Variants in WWP2 observed in about 807,000 individuals in gnomAD.
WWP2 encodes NEDD4-like E3 ubiquitin-protein ligase WWP2.
In WWP2, 57 loss-of-function variants were observed where a neutral mutation model predicts 121.0. That is an observed-to-expected ratio of 0.47 (90% CI 0.38 to 0.59). The LOEUF (loss-of-function observed/expected upper bound fraction) is 0.59, where lower values mean the gene tolerates loss of function less well. WWP2 is among the 20% of genes least tolerant of loss of function. WWP2 has a pLI of 0.00. For synonymous variants in WWP2, 449 were observed against 441.3 expected, an observed-to-expected ratio of 1.02 and a Z score of -0.22; for missense variants, 962 against 1,158.9, an observed-to-expected ratio of 0.83 and a Z score of 2.47.
At chr16:69,774,966 CAAA>C (rs58896866) in intron 1 of WWP2, 10 of 88,984 alleles carry the variant, frequency 1.1e-4, no homozygotes, top group East Asian at 2.8e-4. Flanking sequence ...AAGACTGTCT[CAAA>C]AAAAAAAAAA....
chr16:69,834,144 T>C (rs2056836263), intron 4 of WWP2, among the ~76,000 whole-genome samples: 1 of 152,212 alleles, frequency 6.6e-6, no homozygotes. Context: ...TCCCGTCCCA[T>C]GTTGAGCAAT....
At chr16:69,915,503 C>T (rs1203309613) in intron 9 of WWP2, among the ~76,000 whole-genome samples, 1 of 152,108 alleles carries the variant, frequency 6.6e-6, no homozygotes, top group Non-Finnish European at 1.5e-5. Flanking sequence ...TAGTTTGAGC[C>T]CAGCAGTTCA....
intron 1 of WWP2, among the ~76,000 whole-genome samples, chr16:69,766,726 C>T (rs549182116): frequency 6.6e-6 from 1 of 152,270 alleles, no homozygotes; most frequent in African/African-American, 2.4e-5. Context: ...TCAACCATCA[C>T]CTTCAGAGAG....
chr16:69,892,343 C>T (rs2058041317), intron 8 of WWP2, among the ~76,000 whole-genome samples: 2 of 151,616 alleles, frequency 1.3e-5, no homozygotes, highest in African/African-American at 4.9e-5. Flanking sequence ...CCTCCCCTAG[C>T]CCCCCACCCA....
rs143311481 is a variant in WWP2 at position 69,889,146 on chromosome 16, T to TACACACACAC, written c.914+919_914+928dup. Among the ~76,000 whole-genome samples the TACACACACAC allele has an allele frequency of 3.9e-4, 57 of 146,242 alleles. 1 individual carries two copies. The highest frequency in any genetic ancestry group is 1.3e-3 in the African/African-American group (52 of 40,098). On this transcript the variant is annotated intron_variant, in intron 8 of 23. Transcript: ENST00000359154. ...CTGGGCAATATAGTGATATCCTGCC[T>TACACACACAC]ACACACACACACACACACACACACA...
chr16:69,919,005 G>A (rs757983006), intron 10 of WWP2, among the ~76,000 whole-genome samples: 28 of 151,414 alleles, frequency 1.8e-4, no homozygotes, highest in African/African-American at 6.3e-4. Flanking sequence ...CACCACACCC[G>A]GCTAATTTTT....
At chr16:69,913,055 G>C (rs2058424494) in intron 9 of WWP2, among the ~76,000 whole-genome samples, 1 of 98,992 alleles carries the variant, frequency 1.0e-5, no homozygotes, top group African/African-American at 3.7e-5. Context: ...CAGAATTTTT[G>C]CTCTCGTTGC....
rs189798823 is a variant in WWP2, at chr16:69,770,240, G to C, written c.-16+7849G>C. Among the ~76,000 whole-genome samples the C allele has an allele frequency of 8.5e-3, 1,293 of 152,268 alleles. 14 individuals are homozygous for C. Among genetic ancestry groups the C allele is most frequent in the Middle Eastern group, 0.082 (24 of 294 alleles). On this transcript the variant is annotated intron_variant, in intron 1 of 23. Coordinates refer to ENST00000359154, the MANE Select transcript of WWP2 (RefSeq NM_001270454.2). ...CTCAGGATTTGGGGGCCAGTGGCCA[G>C]GGAAACCAGCCTTGTAGTTAGAGGG...
At chr16:69,851,867 C>G (rs2057220668) in intron 6 of WWP2, among the ~76,000 whole-genome samples, 1 of 152,060 alleles carries the variant, frequency 6.6e-6, no homozygotes, top group Admixed American at 6.6e-5. Context: ...CCTGGAGTCC[C>G]AGCTACTCGG....
chr16:69,835,077 A>T (rs1172715027), intron 4 of WWP2, among the ~76,000 whole-genome samples: 1 of 152,082 alleles, frequency 6.6e-6, no homozygotes, highest in East Asian at 1.9e-4. Flanking sequence ...CTATATGCTA[A>T]CTCAGATTCC....
intron 1 of WWP2, among the ~76,000 whole-genome samples, chr16:69,775,531 C>T (rs553656048): frequency 6.6e-6 from 1 of 152,288 alleles, no homozygotes; most frequent in East Asian, 1.9e-4. Flanking sequence ...TATATCTCTC[C>T]TTACATTGCC....
chr16:69,901,454 C>G (rs2058202650), intron 8 of WWP2, among the ~76,000 whole-genome samples: 1 of 152,074 alleles, frequency 6.6e-6, no homozygotes, highest in South Asian at 2.1e-4. Flanking sequence ...GCTCTGTCGC[C>G]CAGTCTGGGG....
intron 4 of WWP2, among the ~76,000 whole-genome samples, chr16:69,826,753 G>A (rs1259150538): frequency 6.6e-6 from 1 of 150,840 alleles, no homozygotes; most frequent in Non-Finnish European, 1.5e-5. Context: ...AGCCTAACAC[G>A]GTGAAACCCC....
intron 6 of WWP2, chr16:69,871,582 A>G (rs1417038903): frequency 2.0e-6 from 1 of 510,854 alleles, no homozygotes; most frequent in African/African-American, 2.0e-5. Context: ...TTGAAGTGGA[A>G]AAGTTTACAC....
intron 4 of WWP2, among the ~76,000 whole-genome samples, chr16:69,837,437 A>G (rs1487427432): frequency 6.6e-6 from 1 of 152,208 alleles, no homozygotes; most frequent in Non-Finnish European, 1.5e-5. Flanking sequence ...CAAATATATA[A>G]TGATTCCACT....
At chr16:69,897,849 A>G (rs1308037891) in intron 8 of WWP2, among the ~76,000 whole-genome samples, 2 of 151,450 alleles carry the variant, frequency 1.3e-5, no homozygotes, top group African/African-American at 4.8e-5. Context: ...CGGAGGTTAC[A>G]GTGAGCCGAG....
chr16:69,924,892 C>T (rs1472582923), intron 10 of WWP2: 12 of 983,132 alleles, frequency 1.2e-5, no homozygotes, highest in East Asian at 1.1e-4. Context: ...GGGGGGACGC[C>T]GAGGTGGAGG....
chr16:69,790,829 G>GC (rs2055894567), intron 2 of WWP2, among the ~76,000 whole-genome samples: 8 of 152,116 alleles, frequency 5.3e-5, no homozygotes, highest in Admixed American at 5.2e-4. Flanking sequence ...GCCTGCCTCA[G>GC]CCCCCCAAAG....
intron 2 of WWP2, among the ~76,000 whole-genome samples, chr16:69,797,882 C>CT (rs1025293744): frequency 2.1e-5 from 3 of 142,884 alleles, no homozygotes; most frequent in African/African-American, 8.1e-5. Flanking sequence ...GAGCCAAACT[C>CT]TATCTCAGAA....
Sources: allele counts gnomAD v4.1 joint callset (sites outside exome capture counted in the v4.1 genomes callset), GRCh38; gene constraint gnomAD v4.1.1; transcripts MANE v1.5; gene names NCBI Gene and HGNC (gene_info 2026-07-23, HGNC 2026-07-21).